RPH3AL: variants seen among roughly 807,000 people sequenced by gnomAD.
RPH3AL encodes rabphilin 3A like (without C2 domains).
In RPH3AL, 38 loss-of-function variants were observed where a neutral mutation model predicts 43.1. The observed-to-expected ratio is 0.88, with a 90% CI of 0.68 to 1.15. The LOEUF (loss-of-function observed/expected upper bound fraction) is 1.15, where lower values mean the gene tolerates loss of function less well. RPH3AL is among the 50% of genes most tolerant of loss of function. The probability of loss-of-function intolerance (pLI) is 0.00; values close to 1 mark genes in which losing one functional copy is unlikely to be tolerated. For missense variants in RPH3AL, 462 were observed against 423.2 expected (o/e 1.09, Z -0.81); for synonymous variants, 189 against 176.3 (o/e 1.07, Z -0.57).
intron 1 of RPH3AL, among the ~76,000 whole-genome samples, chr17:352,291 G>T (rs911051936): frequency 4.6e-5 from 7 of 152,138 alleles, no homozygotes; most frequent in Admixed American, 1.3e-4. Context: ...CCCATTCTCT[G>T]CCTGACCCCA....
chr17:330,185 C>T (rs569095713), intron 2 of RPH3AL, among the ~76,000 whole-genome samples: 1 of 152,354 alleles, frequency 6.6e-6, no homozygotes, highest in Admixed American at 6.5e-5. Flanking sequence ...AGGGTCCAGG[C>T]CACAACCTTA....
At chr17:337,867 C>A (rs985685442) in intron 1 of RPH3AL, among the ~76,000 whole-genome samples, 4 of 152,162 alleles carry the variant, frequency 2.6e-5, no homozygotes, top group African/African-American at 9.7e-5. Flanking sequence ...GAAAGTAAAT[C>A]CTTGGGCATC....
At chr17:243,808 C>G (rs557615679) in intron 7 of RPH3AL, among the ~76,000 whole-genome samples, 1 of 147,372 alleles carries the variant, frequency 6.8e-6, no homozygotes, top group East Asian at 2.1e-4. Flanking sequence ...TACTGATTGC[C>G]CCTCTACTGA....
chr17:220,306 T>C (rs878861125), intron 7 of RPH3AL, among the ~76,000 whole-genome samples: 2 of 150,132 alleles, frequency 1.3e-5, no homozygotes, highest in African/African-American at 4.9e-5. Flanking sequence ...ACTGAGACAA[T>C]AGGCCCAAGC....
chr17:226,609 A>G (rs1227159525), intron 7 of RPH3AL, among the ~76,000 whole-genome samples: 1 of 152,224 alleles, frequency 6.6e-6, no homozygotes, highest in East Asian at 1.9e-4. Flanking sequence ...CCTGCTGAGA[A>G]GCCCTGGGCC....
intron 7 of RPH3AL, among the ~76,000 whole-genome samples, chr17:233,122 G>T (rs1222159092): frequency 4.6e-5 from 7 of 151,698 alleles, no homozygotes; most frequent in Admixed American, 2.0e-4. Flanking sequence ...TCGTTTGACA[G>T]CATGTGCCTG....
chr17:351,659 C>A (rs931509773), intron 1 of RPH3AL, among the ~76,000 whole-genome samples: 1 of 152,160 alleles, frequency 6.6e-6, no homozygotes, highest in Non-Finnish European at 1.5e-5. Context: ...GCCATCCCCA[C>A]GTGGCTCCCG....
chr17:306,238 C>A (rs2043484082), intron 5 of RPH3AL, among the ~76,000 whole-genome samples: 1 of 152,022 alleles, frequency 6.6e-6, no homozygotes, highest in African/African-American at 2.4e-5. Context: ...CCCTGGAACC[C>A]CAGCTCCACC....
chr17:324,931 T>C (rs1377912129), intron 3 of RPH3AL, among the ~76,000 whole-genome samples: 1 of 152,222 alleles, frequency 6.6e-6, no homozygotes, highest in Non-Finnish European at 1.5e-5. Flanking sequence ...TTCACTATGT[T>C]GGCCAGGCTG....
At chr17:279,947 T>C (rs746225389) in intron 6 of RPH3AL, among the ~76,000 whole-genome samples, 1 of 152,166 alleles carries the variant, frequency 6.6e-6, no homozygotes, top group Non-Finnish European at 1.5e-5. Flanking sequence ...ATTAACTCCA[T>C]CTGGGGATGA....
intron 7 of RPH3AL, among the ~76,000 whole-genome samples, chr17:222,197 A>C (rs1023128946): frequency 2.6e-5 from 4 of 152,272 alleles, no homozygotes; most frequent in African/African-American, 4.8e-5. Flanking sequence ...CATTCATTGA[A>C]GTTTCAGAAC....
chr17:315,563 GCC>G (rs200819132), intron 5 of RPH3AL, among the ~76,000 whole-genome samples: 1 of 36,172 alleles, frequency 2.8e-5, no homozygotes, highest in Non-Finnish European at 7.2e-5. Context: ...TAGTCCCTGT[GCC>G]CCACCTCCAT....
chr17:316,709 A>C (rs1260925161), intron 5 of RPH3AL, among the ~76,000 whole-genome samples: 1 of 149,062 alleles, frequency 6.7e-6, no homozygotes, highest in Non-Finnish European at 1.5e-5. Flanking sequence ...ATTGACCTGT[A>C]GTCTCTGTGC....
At chr17:350,328 T>C (rs3934710) in intron 1 of RPH3AL, among the ~76,000 whole-genome samples, 69,782 of 151,800 alleles carry the variant, frequency 0.46, 16,186 homozygotes, top group Admixed American at 0.51. Context: ...AATACAAAAA[T>C]TATCTGGACG....
In RPH3AL at chr17:249,274, C is replaced by T. The variant is rs928365351; in HGVS notation, c.439-1989G>A. On this transcript the variant is annotated intron_variant, in intron 6 of 9. Coordinates refer to ENST00000331302, the MANE Select transcript of RPH3AL (RefSeq NM_006987.4). Reference sequence around the variant, plus strand: ...AGGGCAGGCCAAGGTTCCGAGCCGACGTCCTGAATCTGAATCCTGGGTCTG... The same window carrying T: ...AGGGCAGGCCAAGGTTCCGAGCCGATGTCCTGAATCTGAATCCTGGGTCTG... 3.9e-5 allele frequency among the ~76,000 whole-genome samples: 6 copies of T among 152,140 alleles called. No homozygotes were observed. In the East Asian group the frequency reaches 5.8e-4, roughly 15 times the overall value.
At chr17:297,368 G>A (rs1402077839) in intron 5 of RPH3AL, among the ~76,000 whole-genome samples, 3 of 152,230 alleles carry the variant, frequency 2.0e-5, no homozygotes, top group African/African-American at 7.2e-5. Flanking sequence ...CCCAAAGTAT[G>A]GGTTGTGGGA....
chr17:327,372 C>A, intron 3 of RPH3AL, 95 bp downstream of exon 3: 1 of 1,154,432 alleles, frequency 8.7e-7, no homozygotes, highest in Non-Finnish European at 1.3e-6. Context: ...CCAAACATCT[C>A]TTTCTGGGCC....
intron 5 of RPH3AL, 48 bp from the exon 6 acceptor site, chr17:281,902 C>A (rs754790190): frequency 6.9e-7 from 1 of 1,448,802 alleles, no homozygotes; most frequent in Non-Finnish European, 9.7e-7. Flanking sequence ...CCGCTTCCTC[C>A]TCCGCCGAGG....
At chr17:265,178 C>T (rs968198501) in intron 6 of RPH3AL, among the ~76,000 whole-genome samples, 20 of 152,186 alleles carry the variant, frequency 1.3e-4, no homozygotes, top group South Asian at 4.1e-4. Context: ...CCTCCACCTC[C>T]GAGGCTCAAT....
Sources: gnomAD v4.1 joint callset for allele counts (sites outside exome capture counted in the v4.1 genomes callset) on GRCh38, gnomAD v4.1.1 for gene constraint, MANE v1.5 for transcripts, NCBI Gene and HGNC (gene_info 2026-07-23, HGNC 2026-07-21) for gene names.